The following MPC1 variants were observed in gnomAD, a reference collection of about 807,000 sequenced individuals.
MPC1 encodes the protein mitochondrial pyruvate carrier 1, also known as HSPC040 protein.
Under a neutral mutation model 13.9 loss-of-function variants are expected in MPC1, and 6 were observed. The observed-to-expected ratio is 0.43, with a 90% CI of 0.24 to 0.85. The LOEUF is 0.85. Among genes scored for constraint, MPC1 ranks in the 40% least tolerant of loss-of-function variants. MPC1 has a pLI of 0.24. For missense variants in MPC1, 115 were observed against 143.3 expected (o/e 0.80, Z 1.01); for synonymous variants, 47 against 50.5 (o/e 0.93, Z 0.29).
intron 1 of MPC1, among the ~76,000 whole-genome samples, chr6:166,380,644 A>AT (rs1309730258): frequency 2.0e-5 from 3 of 152,192 alleles, no homozygotes; most frequent in Non-Finnish European, 4.4e-5. Context: ...TTCCTATGTA[A>AT]TGAAACTGTT....
Position 166,365,545 on chromosome 6 carries a change from A to G in MPC1, c.306-92T>C, listed in dbSNP as rs1267445591. The G allele has an allele frequency of 4.0e-6, 4 of 1,006,566 alleles. No individual in the cohort carries two copies. Among genetic ancestry groups the G allele is most frequent in the East Asian group, 5.5e-5 (2 of 36,458 alleles). 62.4% of individuals were successfully genotyped at this position (1,006,566 alleles called of 1,614,324 possible). ...GATGGCTTTTAAAAGACACCTTTAC[A>G]TAACATTTATTTCAACTTACAACTT... On this transcript the variant is annotated intron_variant, in intron 4 of 4. Transcript: ENST00000360961. The surrounding 1 kb of genome is among the most constrained non-coding windows in gnomAD (Gnocchi z 4.2).
At chr6:166,381,838 A>G in intron 1 of MPC1, 2 of 982,960 alleles carry the variant, frequency 2.0e-6, no homozygotes, top group Non-Finnish European at 2.4e-6. Flanking sequence ...AACATCTTAA[A>G]TTGTACTTCC....
intron 1 of MPC1, among the ~76,000 whole-genome samples, chr6:166,380,917 C>T (rs1221182977): frequency 2.5e-5 from 2 of 79,198 alleles, no homozygotes; most frequent in Non-Finnish European, 4.6e-5. Context: ...CCAGCCTGGG[C>T]AACAAGAGAC....
intron 1 of MPC1, among the ~76,000 whole-genome samples, chr6:166,377,072 A>G (rs1779594825): frequency 6.6e-6 from 1 of 151,268 alleles, no homozygotes; most frequent in Middle Eastern, 3.4e-3. Context: ...ATGGTTTTAA[A>G]TGAGCATTTT....
chr6:166,379,531 G>A (rs559177179), intron 1 of MPC1, among the ~76,000 whole-genome samples: 1 of 152,240 alleles, frequency 6.6e-6, no homozygotes, highest in South Asian at 2.1e-4. Context: ...AGTTTAGTAA[G>A]AATGTTCAAC....
intron 1 of MPC1, among the ~76,000 whole-genome samples, chr6:166,371,109 C>T (rs549761677): frequency 6.6e-5 from 10 of 152,130 alleles, no homozygotes; most frequent in South Asian, 4.1e-4. Flanking sequence ...GCACAGCTTT[C>T]GAGGAAATAT....
intron 1 of MPC1, among the ~76,000 whole-genome samples, chr6:166,381,527 A>G (rs1260114167): frequency 6.6e-6 from 1 of 152,210 alleles, no homozygotes; most frequent in Non-Finnish European, 1.5e-5. Context: ...CTACCGAAAA[A>G]AAACCGCAGC....
At chr6:166,376,155 C>CGTGTGT (rs74273802) in intron 1 of MPC1, among the ~76,000 whole-genome samples, 8 of 151,080 alleles carry the variant, frequency 5.3e-5, no homozygotes, top group African/African-American at 1.7e-4. Context: ...TATACACATA[C>CGTGTGT]GTGTGTGTGT....
chr6:166,377,568 G>A (rs953063366), intron 1 of MPC1, among the ~76,000 whole-genome samples: 3 of 152,180 alleles, frequency 2.0e-5, no homozygotes, highest in African/African-American at 7.2e-5. Flanking sequence ...TGACAGCCTA[G>A]CATAGTATAT....
In MPC1 at chr6:166,365,389, A is replaced by G. The variant is rs371125725; in HGVS notation, c.*40T>C. 1.3e-6 allele frequency: 2 copies of G among 1,500,426 alleles called. No individual in the cohort carries two copies. The allele number at this position is 1,500,426 out of a possible 1,614,324, so 92.9% of individuals were successfully genotyped here. ...AATCTGTGACTCAGCAGCAGCTGGC[A>G]ATGCTGTCCCTTCAAGACCTTGTTC... is the stretch of plus-strand genomic sequence containing the variant. On this transcript the variant is annotated 3_prime_UTR_variant, in exon 5 of 5. Coordinates refer to ENST00000360961, the MANE Select transcript of MPC1 (RefSeq NM_016098.4). This position sits in a 1 kb window ranked among gnomAD's most constrained non-coding sequence, Gnocchi z 4.2.
At chr6:166,375,996 G>A (rs1779555997) in intron 1 of MPC1, among the ~76,000 whole-genome samples, 1 of 152,146 alleles carries the variant, frequency 6.6e-6, no homozygotes, top group African/African-American at 2.4e-5. Context: ...AATTATATTA[G>A]TGGATTCATC....
At position 166,376,156 on chromosome 6, in the gene MPC1, G is replaced by C. The variant is rs1026018757; in HGVS notation, c.72-5935C>G. ...TAGCTATAGATACATATACACATAC[G>C]TGTGTGTGTGTGTGTGTGTGTGTAT... On this transcript the variant is annotated intron_variant, in intron 1 of 4. Coordinates refer to ENST00000360961, the MANE Select transcript of MPC1 (RefSeq NM_016098.4). 2.8e-4 allele frequency among the ~76,000 whole-genome samples: 5 copies of C among 17,844 alleles called. No individual in the cohort carries two copies. The Admixed American group carries it at 3.8e-3, about 13-fold the overall frequency. 11.7% of individuals were successfully genotyped at this position (17,844 alleles called of 152,430 possible).
chr6:166,373,148 C>G (rs2114961253), intron 1 of MPC1, among the ~76,000 whole-genome samples: 1 of 152,278 alleles, frequency 6.6e-6, no homozygotes, highest in South Asian at 2.1e-4. Context: ...CTTACATTGA[C>G]ACAGGATTGT....
At position 166,366,800 on chromosome 6, in the gene MPC1, GTCA is replaced by G; in HGVS notation, c.164_166del (p.Met55del). 1 of 1,613,806 alleles carries G rather than the reference GTCA, an allele frequency of 6.2e-7. No individual in the cohort carries two copies. The highest frequency in any genetic ancestry group is 1.1e-5 in the South Asian group (1 of 91,080). ...ATCCAAATCTGCATTCTTACCAAAT[GTCA>G]TCCGCCCACTGATAATCTCTGGAGA... On this transcript the variant is annotated inframe_deletion, in exon 3 of 5. Transcript: ENST00000360961.
intron 1 of MPC1, among the ~76,000 whole-genome samples, chr6:166,374,100 C>T (rs1583066184): frequency 6.6e-6 from 1 of 152,046 alleles, no homozygotes; most frequent in South Asian, 2.1e-4. Context: ...GATTCTCCTG[C>T]CTCAGCCTCC....
rs1246829616 is a variant in MPC1 at position 166,365,360 on chromosome 6, A to G, written c.*69T>C. On this transcript the variant is annotated 3_prime_UTR_variant, in exon 5 of 5. Transcript: ENST00000360961. The surrounding 1 kb of genome is among the most constrained non-coding windows in gnomAD (Gnocchi z 4.2). ...ATTTTCCTTAGGGAGGCTATTTATA[A>G]TGAAATCTGTGACTCAGCAGCAGCT... 3 of 1,338,432 alleles carry G rather than the reference A, an allele frequency of 2.2e-6. No homozygotes were observed. The highest frequency in any genetic ancestry group is 2.0e-6 in the Non-Finnish European group (2 of 1,006,446). 82.9% of individuals were successfully genotyped at this position (1,338,432 alleles called of 1,614,324 possible).
chr6:166,372,632 G>C (rs1354576596), intron 1 of MPC1, among the ~76,000 whole-genome samples: 3 of 151,960 alleles, frequency 2.0e-5, no homozygotes, highest in Non-Finnish European at 2.9e-5. Context: ...TTCTAAGTCA[G>C]GGTTTTCTAG....
At chr6:166,366,963 C>T in intron 2 of MPC1, 72 bp from the exon 3 acceptor site, 5 of 1,608,450 alleles carry the variant, frequency 3.1e-6, no homozygotes, top group Non-Finnish European at 4.2e-6. Flanking sequence ...CTGAAATTTC[C>T]CTTACTTTAA....
intron 1 of MPC1, among the ~76,000 whole-genome samples, chr6:166,376,776 C>T (rs188758519): frequency 3.2e-4 from 48 of 152,304 alleles, no homozygotes; most frequent in African/African-American, 8.9e-4. Context: ...TAGCTACCAA[C>T]GCCTTTTCTT....
Sources: gnomAD v4.1 joint callset for allele counts (sites outside exome capture counted in the v4.1 genomes callset) on GRCh38, gnomAD v4.1.1 for gene constraint, Gnocchi (gnomAD v3.1) non-coding constraint, MANE v1.5 for transcripts, NCBI Gene and HGNC (gene_info 2026-07-23, HGNC 2026-07-21) for gene names.